NAV2: variants seen among roughly 807,000 people sequenced by gnomAD.
The protein encoded by NAV2 is helicase, APC down-regulated 1.
In NAV2, 54 loss-of-function variants were observed where a neutral mutation model predicts 223.2. That is an observed-to-expected ratio of 0.24 (90% CI 0.19 to 0.30). The LOEUF (loss-of-function observed/expected upper bound fraction) is 0.30. Among genes scored for constraint, NAV2 ranks in the 10% least tolerant of loss-of-function variants. The pLI is 1.00. For synonymous variants in NAV2, 1,279 were observed against 1,239.3 expected (o/e 1.03, Z -0.67); for missense variants, 2,806 against 3,147.5 (o/e 0.89, Z 2.60).
intron 1 of NAV2, among the ~76,000 whole-genome samples, chr11:19,723,908 C>G (rs1374883071): frequency 6.6e-6 from 1 of 152,202 alleles, no homozygotes; most frequent in Non-Finnish European, 1.5e-5. Context: ...AATGTGTGGG[C>G]CACAAGTGTG....
At chr11:19,861,203 A>T (rs1489110211) in intron 3 of NAV2, among the ~76,000 whole-genome samples, 1 of 152,214 alleles carries the variant, frequency 6.6e-6, no homozygotes, top group Non-Finnish European at 1.5e-5. Context: ...AGCCAATGTC[A>T]GTCCCTTCTG....
chr11:19,837,609 A>G (rs1026967453), intron 2 of NAV2, among the ~76,000 whole-genome samples: 2 of 152,220 alleles, frequency 1.3e-5, no homozygotes, highest in African/African-American at 4.8e-5. Context: ...TATGCCAGTC[A>G]GGGATGGAAA....
At chr11:19,393,149 C>G (rs747932586) in intron 1 of NAV2, among the ~76,000 whole-genome samples, 53 of 152,348 alleles carry the variant, frequency 3.5e-4, no homozygotes, top group Non-Finnish European at 5.3e-4. Flanking sequence ...GACTGTCCAT[C>G]CCTCTTTTCT....
At chr11:19,955,757 G>A (rs1004233726) in intron 10 of NAV2, among the ~76,000 whole-genome samples, 2 of 152,188 alleles carry the variant, frequency 1.3e-5, no homozygotes, top group African/African-American at 2.4e-5. Flanking sequence ...TAGATTAATA[G>A]CATGAAAGGC....
intron 1 of NAV2, among the ~76,000 whole-genome samples, chr11:19,694,341 A>G (rs2049266029): frequency 6.6e-6 from 1 of 152,192 alleles, no homozygotes; most frequent in Non-Finnish European, 1.5e-5. Flanking sequence ...GTCAACCCTC[A>G]GACACAACCA....
At position 19,903,168 on chromosome 11, in the gene NAV2, T is replaced by C. The variant is rs544874249; in HGVS notation, c.931+10574T>C. ...TTAGGGTACCAGTGTGTAGCCCACG[T>C]GCCAGGGAGCCGTCTTCTCCTGATG... On this transcript the variant is annotated intron_variant, in intron 6 of 37. Transcript: ENST00000349880. 2.0e-5 allele frequency among the ~76,000 whole-genome samples: 3 copies of C among 152,358 alleles called. No individual in the cohort carries two copies. In the East Asian group the frequency reaches 5.8e-4, roughly 29 times the overall value.
chr11:19,860,072 G>A, intron 3 of NAV2, among the ~76,000 whole-genome samples: 1 of 126,888 alleles, frequency 7.9e-6, no homozygotes, highest in African/African-American at 3.0e-5. Context: ...CCTGGACGGG[G>A]CGGCTGGCCG....
At chr11:19,631,946 C>G (rs1293795801) in intron 1 of NAV2, among the ~76,000 whole-genome samples, 1 of 152,252 alleles carries the variant, frequency 6.6e-6, no homozygotes, top group African/African-American at 2.4e-5. Context: ...GCAAGAGAGA[C>G]CCACGCCAAT....
intron 36 of NAV2, among the ~76,000 whole-genome samples, chr11:20,109,759 G>A (rs951463175): frequency 1.3e-5 from 2 of 152,226 alleles, no homozygotes; most frequent in East Asian, 1.9e-4. Flanking sequence ...TGCTCTAAAT[G>A]TGGTCTTCTG....
At chr11:19,462,232 T>C (rs1256184344) in intron 1 of NAV2, among the ~76,000 whole-genome samples, 3 of 152,234 alleles carry the variant, frequency 2.0e-5, no homozygotes, top group Non-Finnish European at 4.4e-5. Context: ...CACAGAATAC[T>C]AGACTCTATC....
intron 1 of NAV2, among the ~76,000 whole-genome samples, chr11:19,524,107 C>T (rs1026251913): frequency 6.6e-6 from 1 of 152,204 alleles, no homozygotes; most frequent in African/African-American, 2.4e-5. Flanking sequence ...TCTATCTCCC[C>T]TGGTAGGATA....
intron 1 of NAV2, among the ~76,000 whole-genome samples, chr11:19,435,529 A>G (rs1160116049): frequency 6.6e-6 from 1 of 152,198 alleles, no homozygotes; most frequent in African/African-American, 2.4e-5. Context: ...ATACTGCTAC[A>G]GTGAACGTGG....
intron 1 of NAV2, among the ~76,000 whole-genome samples, chr11:19,409,617 G>A (rs929051101): frequency 6.6e-5 from 10 of 152,230 alleles, no homozygotes; most frequent in Non-Finnish European, 8.8e-5. Flanking sequence ...TGGTCTGAGC[G>A]GCCGTTCATT....
chr11:19,484,254 A>G (rs1029127461), intron 1 of NAV2, among the ~76,000 whole-genome samples: 4 of 152,072 alleles, frequency 2.6e-5, no homozygotes, highest in Non-Finnish European at 5.9e-5. Flanking sequence ...CTATCTTGAG[A>G]GGTTGGAAGG....
intron 11 of NAV2, 121 bp from the exon 12 acceptor site, chr11:20,035,838 G>T: frequency 8.7e-7 from 1 of 1,145,088 alleles, no homozygotes; most frequent in East Asian, 2.5e-5. Context: ...AGAGAGCTTT[G>T]TCCGGGGCTT....
intron 11 of NAV2, among the ~76,000 whole-genome samples, chr11:20,024,810 G>C (rs2054888859): frequency 6.6e-6 from 1 of 152,214 alleles, no homozygotes; most frequent in Non-Finnish European, 1.5e-5. Flanking sequence ...GAGGGTTGGA[G>C]GGAGGGAGAC....
chr11:19,519,394 G>A (rs1179738898), intron 1 of NAV2, among the ~76,000 whole-genome samples: 1 of 152,126 alleles, frequency 6.6e-6, no homozygotes, highest in African/African-American at 2.4e-5. Context: ...TAATCTTCAC[G>A]TTTCCTTTTA....
intron 1 of NAV2, among the ~76,000 whole-genome samples, chr11:19,719,949 C>A (rs532603063): frequency 6.6e-6 from 1 of 152,190 alleles, no homozygotes; most frequent in African/African-American, 2.4e-5. Flanking sequence ...TTGAGTGGAG[C>A]CGGCCAATCT....
intron 1 of NAV2, among the ~76,000 whole-genome samples, chr11:19,484,127 A>AGCAC (rs140586290): frequency 4.8e-5 from 7 of 144,792 alleles, no homozygotes; most frequent in African/African-American, 1.5e-4. Flanking sequence ...ACTGATCACA[A>AGCAC]ACACACACAC....
Sources: allele counts gnomAD v4.1 joint callset (sites outside exome capture counted in the v4.1 genomes callset), GRCh38; gene constraint gnomAD v4.1.1; transcripts MANE v1.5; gene names NCBI Gene and HGNC (gene_info 2026-07-23, HGNC 2026-07-21).